Variants in STK3 observed in about 807,000 individuals in gnomAD.
The protein encoded by STK3 is serine/threonine-protein kinase 3.
In STK3, 41 loss-of-function variants were observed where a neutral mutation model predicts 58.0. The observed-to-expected ratio is 0.71, with a 90% CI of 0.55 to 0.92. The LOEUF (loss-of-function observed/expected upper bound fraction) is 0.92, where lower values mean the gene tolerates loss of function less well. Among genes scored for constraint, STK3 ranks in the 40% least tolerant of loss-of-function variants. STK3 has a pLI of 0.00. For synonymous variants in STK3, 170 were observed against 191.0 expected (o/e 0.89, Z 0.91); for missense variants, 479 against 602.7 (o/e 0.79, Z 2.15).
At chr8:98,633,729 G>T in intron 6 of STK3, 1 of 652,552 alleles carries the variant, frequency 1.5e-6, no homozygotes, top group South Asian at 1.6e-5. Context: ...AGGATCTGTT[G>T]ATACTGATCC....
chr8:98,846,528 G>A (rs2131820603), intron 3 of STK3, among the ~76,000 whole-genome samples: 1 of 152,270 alleles, frequency 6.6e-6, no homozygotes, highest in East Asian at 1.9e-4. Flanking sequence ...TGCCCCCTTG[G>A]TCCTGTTTTC....
chr8:98,817,704 T>A (rs1294528732), intron 1 of STK3, among the ~76,000 whole-genome samples: 1 of 152,160 alleles, frequency 6.6e-6, no homozygotes, highest in Non-Finnish European at 1.5e-5. Flanking sequence ...ACATCTAGTC[T>A]ATCAGCAAGT....
At chr8:98,698,480 A>G (rs1390310651) in intron 6 of STK3, among the ~76,000 whole-genome samples, 2 of 152,170 alleles carry the variant, frequency 1.3e-5, no homozygotes, top group African/African-American at 4.8e-5. Context: ...ACAATTTGGC[A>G]TGATTTTGCA....
At chr8:98,392,962 G>A (rs1311503084), upstream of STK3, among the ~76,000 whole-genome samples, 1 of 152,096 alleles carries the variant, frequency 6.6e-6, no homozygotes, top group African/African-American at 2.4e-5. Flanking sequence ...ACTCAGATGG[G>A]CCTCTCTTCT....
chr8:98,709,076 C>T (rs905648247), intron 4 of STK3, among the ~76,000 whole-genome samples: 1 of 152,012 alleles, frequency 6.6e-6, no homozygotes, highest in Non-Finnish European at 1.5e-5. Flanking sequence ...CTTAATCAAT[C>T]ATGCCTATGT....
chr8:98,756,067 C>T lies in STK3; in HGVS notation c.237-6677G>A, dbSNP rs189724322. Among the ~76,000 whole-genome samples, 36 of 151,726 alleles carry T rather than the reference C, an allele frequency of 2.4e-4. 1 individual carries two copies. In the East Asian group the frequency reaches 5.0e-3, roughly 21 times the overall value. On this transcript the variant is annotated intron_variant, in intron 3 of 10. Transcript: ENST00000419617. ...CTGGGGCAGGAGAATCGCTTGAACC[C>T]GGGAGGCAGAGGTTGCAGAGAGACG...
At chr8:98,753,875 T>C (rs1250979919) in intron 3 of STK3, among the ~76,000 whole-genome samples, 1 of 152,076 alleles carries the variant, frequency 6.6e-6, no homozygotes, top group Admixed American at 6.6e-5. Context: ...CTGGTCTCCT[T>C]GTCTTAGTTT....
chr8:98,768,779 C>T lies in STK3; in HGVS notation c.108-1408G>A, dbSNP rs150224683. Among the ~76,000 whole-genome samples the T allele has an allele frequency of 9.8e-5, 15 of 152,362 alleles. No homozygotes were observed. The East Asian group carries it at 2.7e-3, about 27-fold the overall frequency. ...TAAAAGTCTGCCAGTGAGAAAAACA[C>T]GTATGTGTGAATGACGAAAGGAGAA... On this transcript the variant is annotated intron_variant, in intron 2 of 10. Coordinates refer to ENST00000419617, the MANE Select transcript of STK3 (RefSeq NM_006281.4).
chr8:98,455,593 T>A lies in STK3; in HGVS notation c.*249A>T, dbSNP rs1163557487. 1.0e-5 allele frequency: 5 copies of A among 496,952 alleles called. No homozygotes were observed. The highest frequency in any genetic ancestry group is 1.8e-5 in the Non-Finnish European group (5 of 279,646). 30.8% of individuals were successfully genotyped at this position (496,952 alleles called of 1,614,324 possible). A position where few individuals can be genotyped will look rare whatever the true frequency, so the allele number is the denominator to read the frequency against. ...GAAAATCCATTTCATAACAGTTTTA[T>A]TACTGGTATGCAGCTGACAGAACAA... is the stretch of plus-strand genomic sequence containing the variant. On this transcript the variant is annotated 3_prime_UTR_variant, in exon 11 of 11. Transcript: ENST00000419617.
chr8:98,439,767 G>T (rs1461018395), intron 1 of STK3, among the ~76,000 whole-genome samples: 1 of 152,118 alleles, frequency 6.6e-6, no homozygotes, highest in Non-Finnish European at 1.5e-5. Flanking sequence ...ACCCAAACCT[G>T]AGCCCTTCAT....
chr8:98,895,502 T>C (rs1838411998), intron 1 of STK3, among the ~76,000 whole-genome samples: 1 of 152,152 alleles, frequency 6.6e-6, no homozygotes. Flanking sequence ...GACAAGGCAT[T>C]CTTTTGACTG....
chr8:98,870,817 C>A (rs1476819112), intron 3 of STK3, among the ~76,000 whole-genome samples: 4 of 152,134 alleles, frequency 2.6e-5, no homozygotes. Flanking sequence ...ATGGTAGTTT[C>A]TTTTGCTGTG....
chr8:98,548,611 T>C (rs774589855), intron 8 of STK3, among the ~76,000 whole-genome samples: 2 of 152,116 alleles, frequency 1.3e-5, no homozygotes, highest in Non-Finnish European at 1.5e-5. Context: ...CAAATACATA[T>C]ATATAAAATT....
intron 1 of STK3, among the ~76,000 whole-genome samples, chr8:98,912,808 A>G (rs991896041): frequency 1.3e-5 from 2 of 152,244 alleles, no homozygotes; most frequent in Non-Finnish European, 2.9e-5. Context: ...TAAATGGTAA[A>G]AACTCCAGCC....
chr8:98,718,356 A>T (rs1019912905), intron 4 of STK3, among the ~76,000 whole-genome samples: 1 of 152,210 alleles, frequency 6.6e-6, no homozygotes, highest in African/African-American at 2.4e-5. Context: ...TCTGAGAGAC[A>T]GGCAAGGACC....
intron 10 of STK3, among the ~76,000 whole-genome samples, chr8:98,487,323 T>G: frequency 6.6e-6 from 1 of 152,240 alleles, no homozygotes; most frequent in Non-Finnish European, 1.5e-5. Flanking sequence ...GTTGTGTTAC[T>G]CATGCAACAA....
intron 9 of STK3, among the ~76,000 whole-genome samples, chr8:98,546,416 T>A (rs966870037): frequency 1.3e-5 from 2 of 152,204 alleles, no homozygotes; most frequent in Non-Finnish European, 2.9e-5. Context: ...TTCAACTATA[T>A]GACTGCATGA....
Position 98,735,871 on chromosome 8 carries a change from G to A in STK3, c.351+13405C>T, listed in dbSNP as rs567173728. Among the ~76,000 whole-genome samples, 116 of 152,220 alleles carry A rather than the reference G, an allele frequency of 7.6e-4. 1 individual carries two copies. The highest frequency in any genetic ancestry group is 2.8e-3 in the African/African-American group (115 of 41,560). ...ATCTTTTCCTACATGTTTCCCAAAG[G>A]AAAAGTATAGATCAGATTTTGAAGG... On this transcript the variant is annotated intron_variant, in intron 4 of 10. Coordinates refer to ENST00000419617, the MANE Select transcript of STK3 (RefSeq NM_006281.4).
At chr8:98,558,525 A>G (rs1294212262) in intron 8 of STK3, among the ~76,000 whole-genome samples, 1 of 152,174 alleles carries the variant, frequency 6.6e-6, no homozygotes, top group Non-Finnish European at 1.5e-5. Flanking sequence ...CAAAATTTAT[A>G]GAAGTATACA....
Sources: allele counts gnomAD v4.1 joint callset (sites outside exome capture counted in the v4.1 genomes callset), GRCh38; gene constraint gnomAD v4.1.1; transcripts MANE v1.5; gene names NCBI Gene and HGNC (gene_info 2026-07-23, HGNC 2026-07-21).